NOL4: variants seen among roughly 807,000 people sequenced by gnomAD.
NOL4 encodes the protein cancer/testis antigen 125.
NOL4 carries 17 observed loss-of-function variants against 75.9 expected under a neutral mutation model. That is an observed-to-expected ratio of 0.22 (90% CI 0.15 to 0.34). The LOEUF is 0.34. Ranked by LOEUF, NOL4 falls within the 10% of genes least tolerant of loss-of-function variation. NOL4 has a pLI of 1.00. For missense variants in NOL4, 614 were observed against 793.5 expected (o/e 0.77, Z 2.72); for synonymous variants, 292 against 289.9 (o/e 1.01, Z -0.07).
intron 9 of NOL4, among the ~76,000 whole-genome samples, chr18:33,924,436 T>G (rs1392762204): frequency 6.6e-6 from 1 of 152,194 alleles, no homozygotes; most frequent in Admixed American, 6.5e-5. Flanking sequence ...TCCCAGTGAG[T>G]ACCTCTCTAT....
chr18:33,867,471 T>C (rs1330963441), intron 10 of NOL4, among the ~76,000 whole-genome samples: 1 of 152,116 alleles, frequency 6.6e-6, no homozygotes, highest in Non-Finnish European at 1.5e-5. Flanking sequence ...AATTGCGGCC[T>C]ATTGATTTTC....
chr18:34,120,123 G>T (rs2080070960), intron 2 of NOL4, among the ~76,000 whole-genome samples: 1 of 152,076 alleles, frequency 6.6e-6, no homozygotes, highest in Non-Finnish European at 1.5e-5. Context: ...GAAAATATTG[G>T]CTTGAGTCTG....
At chr18:34,087,833 C>A (rs1234144747) in intron 5 of NOL4, among the ~76,000 whole-genome samples, 1 of 151,450 alleles carries the variant, frequency 6.6e-6, no homozygotes. Flanking sequence ...TAGTGGGAGG[C>A]AAAGATTTTT....
intron 4 of NOL4, among the ~76,000 whole-genome samples, chr18:34,103,372 T>C (rs2079127911): frequency 6.6e-6 from 1 of 152,034 alleles, no homozygotes; most frequent in South Asian, 2.1e-4. Flanking sequence ...TTGACATAGC[T>C]TCAACCAAAA....
At chr18:34,137,160 A>G (rs1443807263) in intron 1 of NOL4, among the ~76,000 whole-genome samples, 1 of 152,170 alleles carries the variant, frequency 6.6e-6, no homozygotes, top group East Asian at 1.9e-4. Context: ...TAAATGATCA[A>G]TGTAAATGTA....
At chr18:34,139,278 T>A (rs1349687560) in intron 1 of NOL4, among the ~76,000 whole-genome samples, 1 of 152,222 alleles carries the variant, frequency 6.6e-6, no homozygotes, top group Non-Finnish European at 1.5e-5. Context: ...GTACCTCTAG[T>A]AGAATTCGGC....
chr18:34,123,816 C>T (rs578204256), intron 2 of NOL4, among the ~76,000 whole-genome samples: 82 of 150,824 alleles, frequency 5.4e-4, no homozygotes, highest in Admixed American at 1.7e-3. Context: ...TATAGAGAGA[C>T]ATAAAGCAAA....
At chr18:33,883,900 AG>A (rs1200356324) in intron 9 of NOL4, among the ~76,000 whole-genome samples, 2 of 152,164 alleles carry the variant, frequency 1.3e-5, no homozygotes, top group African/African-American at 4.8e-5. Flanking sequence ...AGGTATCAAA[AG>A]TAATCAAAGA....
intron 5 of NOL4, among the ~76,000 whole-genome samples, chr18:34,088,105 T>C (rs1455869346): frequency 6.6e-6 from 1 of 151,908 alleles, no homozygotes; most frequent in African/African-American, 2.4e-5. Context: ...AAAGCACAAA[T>C]ACTCCCTTAC....
intron 6 of NOL4, among the ~76,000 whole-genome samples, chr18:33,996,336 C>T (rs376375389): frequency 6.6e-6 from 1 of 151,682 alleles, no homozygotes; most frequent in African/African-American, 2.4e-5. Context: ...GATTCATATA[C>T]AAAAATCAAT....
At chr18:34,164,499 C>T (rs532375220) in intron 1 of NOL4, among the ~76,000 whole-genome samples, 5 of 152,254 alleles carry the variant, frequency 3.3e-5, no homozygotes, top group East Asian at 1.9e-4. Flanking sequence ...AAAATGCTCA[C>T]CATCACTGGC....
intron 2 of NOL4, 104 bp downstream of exon 2, chr18:34,129,767 T>C: frequency 8.9e-7 from 1 of 1,122,706 alleles, no homozygotes; most frequent in Admixed American, 3.1e-5. Flanking sequence ...TGGCCTAATT[T>C]ATGTTGAAGA....
At chr18:33,878,322 G>A (rs2064054040) in intron 10 of NOL4, among the ~76,000 whole-genome samples, 1 of 151,860 alleles carries the variant, frequency 6.6e-6, no homozygotes, top group African/African-American at 2.4e-5. Context: ...TTCCTTATTT[G>A]TATACGTTAT....
chr18:34,222,194 G>C, intron 1 of NOL4: 1 of 1,453,278 alleles, frequency 6.9e-7, no homozygotes, highest in East Asian at 2.6e-5. Context: ...CGCGGCGCCT[G>C]GGCTAGAGCT....
At chr18:34,220,951 G>T (rs2037256753) in intron 1 of NOL4, 1 of 151,620 alleles carries the variant, frequency 6.6e-6, no homozygotes, top group South Asian at 2.1e-4. Context: ...ATAAATTTTT[G>T]ACTGAAAATA....
intron 2 of NOL4, among the ~76,000 whole-genome samples, chr18:34,127,657 G>A (rs1376321475): frequency 1.3e-5 from 2 of 151,780 alleles, no homozygotes; most frequent in Non-Finnish European, 3.0e-5. Flanking sequence ...CTCATTAATT[G>A]AACACTTACA....
At chr18:33,870,645 C>T (rs73414330) in intron 10 of NOL4, among the ~76,000 whole-genome samples, 1,524 of 151,906 alleles carry the variant, frequency 0.01, 21 homozygotes, top group African/African-American at 0.035. Context: ...CATAGTATGA[C>T]CTCCTTCACA....
At chr18:34,179,464 CTAGAA>C (rs1318390578) in intron 1 of NOL4, among the ~76,000 whole-genome samples, 1 of 150,758 alleles carries the variant, frequency 6.6e-6, no homozygotes, top group African/African-American at 2.4e-5. Flanking sequence ...ACATCTTTAG[CTAGAA>C]TAAATTATTT....
chr18:33,967,838 C>T (rs2070727808), intron 6 of NOL4, among the ~76,000 whole-genome samples: 1 of 152,128 alleles, frequency 6.6e-6, no homozygotes, highest in African/African-American at 2.4e-5. Flanking sequence ...CCTGTAATCC[C>T]AGCACTTGGG....
Sources: allele counts gnomAD v4.1 joint callset (sites outside exome capture counted in the v4.1 genomes callset), GRCh38; gene constraint gnomAD v4.1.1; transcripts MANE v1.5; gene names NCBI Gene and HGNC (gene_info 2026-07-23, HGNC 2026-07-21).